The following MBNL2 variants were observed in gnomAD, a reference collection of about 807,000 sequenced individuals.
MBNL2 encodes the protein muscleblind like splicing regulator 2, also known as muscleblind-like protein 2.
Under a neutral mutation model 41.9 loss-of-function variants are expected in MBNL2, and 17 were observed. The ratio of observed to expected loss-of-function variants is 0.41; its 90% CI spans 0.28 to 0.61. MBNL2 has a LOEUF of 0.61. MBNL2 is among the 20% of genes least tolerant of loss of function. MBNL2 has a pLI of 0.35. For synonymous variants in MBNL2, 195 were observed against 182.9 expected (o/e 1.07, Z -0.53); for missense variants, 336 against 505.6 (o/e 0.66, Z 3.22).
At chr13:97,165,947 T>C in the MBNL2 span, among the ~76,000 whole-genome samples, 12 of 152,228 alleles carry the variant, frequency 7.9e-5, no homozygotes, top group East Asian at 2.3e-3. Flanking sequence ...GTGTAGACTT[T>C]CTCCATCATT....
chr13:97,358,585 GAC>G (rs767427545), intron 7 of MBNL2, among the ~76,000 whole-genome samples: 3 of 151,994 alleles, frequency 2.0e-5, no homozygotes, highest in African/African-American at 7.2e-5. Flanking sequence ...TCTAACCACA[GAC>G]ACACACACGC....
intron 1 of MBNL2, among the ~76,000 whole-genome samples, chr13:97,251,681 A>G (rs1490988392): frequency 6.6e-6 from 1 of 152,120 alleles, no homozygotes; most frequent in Non-Finnish European, 1.5e-5. Flanking sequence ...TATATTTTTA[A>G]TTAGATCAAT....
At chr13:97,355,976 A>G (rs928319199) in intron 5 of MBNL2, among the ~76,000 whole-genome samples, 9 of 152,224 alleles carry the variant, frequency 5.9e-5, no homozygotes, top group African/African-American at 1.9e-4. Context: ...TTTTTGAGAT[A>G]AATGAAATGA....
intron 2 of MBNL2, among the ~76,000 whole-genome samples, chr13:97,316,307 G>A (rs2059049171): frequency 6.6e-6 from 1 of 152,076 alleles, no homozygotes; most frequent in African/African-American, 2.4e-5. Context: ...CTTCCCCTGG[G>A]TGACCACCAC....
intron 2 of MBNL2, among the ~76,000 whole-genome samples, chr13:97,315,790 A>ATGGGTGAGGATGTGGAAGGCCTTGCTCG (rs1566411815): frequency 1.3e-5 from 2 of 151,732 alleles, no homozygotes; most frequent in East Asian, 2.0e-4. Context: ...GGCCTTGCTC[A>ATGGGTGAGGATGTGGAAGGCCTTGCTCG]TGGGTGAGGA....
chr13:97,147,032 G>T, the MBNL2 span, among the ~76,000 whole-genome samples: 16 of 152,192 alleles, frequency 1.1e-4, no homozygotes, highest in Non-Finnish European at 2.2e-4. Context: ...GAGAGTGTTA[G>T]ATACAAGATT....
the MBNL2 span, among the ~76,000 whole-genome samples, chr13:97,166,837 T>TAGATAGATAGATAGATAGATAGAAAGAA: frequency 7.0e-5 from 10 of 143,498 alleles, no homozygotes; most frequent in African/African-American, 1.0e-4. Context: ...GATAGATAGA[T>TAGATAGATAGATAGATAGATAGAAAGAA]AGAAAGATAG....
chr13:97,311,210 T>C (rs1211571188), intron 2 of MBNL2, among the ~76,000 whole-genome samples: 1 of 152,192 alleles, frequency 6.6e-6, no homozygotes, highest in Non-Finnish European at 1.5e-5. Context: ...GTAGAGTTAA[T>C]TGTGGTGCAC....
At chr13:97,206,969 A>G in the MBNL2 span, among the ~76,000 whole-genome samples, 1 of 152,212 alleles carries the variant, frequency 6.6e-6, no homozygotes, top group Middle Eastern at 3.2e-3. Context: ...TAGTAATACA[A>G]GGGCAGGTAA....
chr13:97,196,440 G>A, the MBNL2 span, among the ~76,000 whole-genome samples: 1 of 152,200 alleles, frequency 6.6e-6, no homozygotes, highest in South Asian at 2.1e-4. Flanking sequence ...TTGAGGAACA[G>A]ACGGCTATTT....
the MBNL2 span, among the ~76,000 whole-genome samples, chr13:97,174,476 G>A: frequency 1.3e-5 from 2 of 152,222 alleles, no homozygotes; most frequent in African/African-American, 4.8e-5. Context: ...TGTCAACCAA[G>A]TTTGGAAGAT....
the MBNL2 span, among the ~76,000 whole-genome samples, chr13:97,158,484 T>A: frequency 6.6e-6 from 1 of 152,148 alleles, no homozygotes; most frequent in Non-Finnish European, 1.5e-5. Flanking sequence ...TTAATTGTGA[T>A]GTTAGGGTGT....
intron 2 of MBNL2, among the ~76,000 whole-genome samples, chr13:97,320,814 C>G (rs1285232347): frequency 6.6e-6 from 1 of 151,984 alleles, no homozygotes; most frequent in Admixed American, 6.5e-5. Flanking sequence ...ACTTGGGAGA[C>G]TGAGGCAGGA....
chr13:97,293,653 G>C (rs926400896), intron 2 of MBNL2, among the ~76,000 whole-genome samples: 1 of 152,016 alleles, frequency 6.6e-6, no homozygotes, highest in South Asian at 2.1e-4. Flanking sequence ...ATGTTTCCTT[G>C]TATTTCTAAC....
At chr13:97,300,265 C>T (rs2057488253) in intron 2 of MBNL2, among the ~76,000 whole-genome samples, 1 of 152,124 alleles carries the variant, frequency 6.6e-6, no homozygotes, top group Non-Finnish European at 1.5e-5. Context: ...GACCATGTAC[C>T]CAACCATAGC....
the MBNL2 span, among the ~76,000 whole-genome samples, chr13:97,207,410 G>A: frequency 5.3e-5 from 8 of 152,184 alleles, no homozygotes; most frequent in Admixed American, 3.9e-4. Context: ...GGCTGGGGAA[G>A]CCTCACAATC....
chr13:97,378,750 A>G (rs1196917240), intron 8 of MBNL2, among the ~76,000 whole-genome samples: 1 of 152,210 alleles, frequency 6.6e-6, no homozygotes, highest in African/African-American at 2.4e-5. Context: ...TGTCTATTTA[A>G]ATAGAAACTG....
At chr13:97,184,920 T>G in the MBNL2 span, among the ~76,000 whole-genome samples, 1 of 152,210 alleles carries the variant, frequency 6.6e-6, no homozygotes, top group Non-Finnish European at 1.5e-5. Flanking sequence ...TTTTTTTTAC[T>G]GTAGAATGCT....
chr13:97,206,126 C>T, the MBNL2 span, among the ~76,000 whole-genome samples: 1 of 152,168 alleles, frequency 6.6e-6, no homozygotes, highest in East Asian at 1.9e-4. Context: ...CCTCCCTTCT[C>T]TATCAGTCAT....
Sources: gnomAD v4.1 joint callset for allele counts (sites outside exome capture counted in the v4.1 genomes callset) on GRCh38, gnomAD v4.1.1 for gene constraint, MANE v1.5 for transcripts, NCBI Gene and HGNC (gene_info 2026-07-23, HGNC 2026-07-21) for gene names.